The following CTNNA3 variants were observed in gnomAD, a reference collection of about 807,000 sequenced individuals.
The protein encoded by CTNNA3 is catenin alpha 3.
In CTNNA3, 76 loss-of-function variants were observed where a neutral mutation model predicts 95.7. That is an observed-to-expected ratio of 0.79 (90% CI 0.66 to 0.96). The LOEUF (loss-of-function observed/expected upper bound fraction) is 0.96, where lower values mean the gene tolerates loss of function less well. CTNNA3 is among the 40% of genes least tolerant of loss of function. The probability of loss-of-function intolerance (pLI) is 0.00; values close to 1 mark genes in which losing one functional copy is unlikely to be tolerated. For synonymous variants in CTNNA3, 431 were observed against 374.4 expected, an observed-to-expected ratio of 1.15 and a Z score of -1.74; for missense variants, 1,191 against 1,089.8, an observed-to-expected ratio of 1.09 and a Z score of -1.31.
At position 66,775,517 on chromosome 10, in the gene CTNNA3, T is replaced by A. The variant is rs141978685; in HGVS notation, c.1055A>T (p.Lys352Ile). Residue 352 changes from lysine to isoleucine, a missense_variant, in exon 8 of 18, where the codon AAA (lysine) becomes ATA (isoleucine). By Grantham distance (102) the Lys-to-Ile change is moderately radical (BLOSUM62 -3). Coordinates refer to ENST00000433211, the MANE Select transcript of CTNNA3 (RefSeq NM_013266.4). ...ATTCAGGGTATTACTCCTTTCTTTT[T>A]TTCCAGCCTGCAAAGAAGAAAAAAC... is the stretch of plus-strand genomic sequence containing the variant. ...LLSEYMNNAG[K>I]KERSNTLNIA... The A allele has an allele frequency of 6.2e-7, 1 of 1,608,828 alleles. No homozygotes were observed. The highest frequency in any genetic ancestry group is 8.5e-7 in the Non-Finnish European group (1 of 1,177,816).
intron 13 of CTNNA3, among the ~76,000 whole-genome samples, chr10:66,218,705 A>G (rs1319371966): frequency 2.1e-4 from 32 of 152,208 alleles, no homozygotes; most frequent in Admixed American, 2.0e-3. Flanking sequence ...ATATATTTTG[A>G]CACAAAAGTG....
intron 13 of CTNNA3, among the ~76,000 whole-genome samples, chr10:66,151,533 A>G (rs2084200620): frequency 6.6e-6 from 1 of 151,968 alleles, no homozygotes; most frequent in African/African-American, 2.4e-5. Flanking sequence ...TTCATAACAA[A>G]TGAGTCACAC....
chr10:66,705,123 T>A (rs948415044), intron 9 of CTNNA3, among the ~76,000 whole-genome samples: 1 of 152,136 alleles, frequency 6.6e-6, no homozygotes, highest in African/African-American at 2.4e-5. Flanking sequence ...GTTGGGATAA[T>A]CATATGGTTT....
In CTNNA3 at chr10:66,170,892, G is replaced by C. The variant is rs779379926; in HGVS notation, c.1885-67643C>G. The stretch of plus-strand genomic sequence containing the variant: ...CTCTTGCCTGTAATCCCAGCACTTT[G>C]GGAGGCCGAGGTGGGTGGATCACTT... On this transcript the variant is annotated intron_variant, in intron 13 of 17. Transcript: ENST00000433211. Among the ~76,000 whole-genome samples, 3 of 152,110 alleles carry C rather than the reference G, an allele frequency of 2.0e-5. 1 individual carries two copies. Among genetic ancestry groups the C allele is most frequent in the Non-Finnish European group, 2.9e-5 (2 of 68,018 alleles).
chr10:67,259,630 G>T (rs923929484), intron 5 of CTNNA3, among the ~76,000 whole-genome samples: 2 of 152,110 alleles, frequency 1.3e-5, no homozygotes, highest in Non-Finnish European at 2.9e-5. Context: ...CGTCCCTGAG[G>T]TTGCTGCCTG....
At chr10:67,494,042 C>T (rs551834983) in intron 5 of CTNNA3, among the ~76,000 whole-genome samples, 2 of 152,276 alleles carry the variant, frequency 1.3e-5, no homozygotes, top group East Asian at 3.9e-4. Flanking sequence ...ATTCAGAATA[C>T]AGGATTATTC....
Position 67,341,283 on chromosome 10 carries a change from T to C in CTNNA3, c.580-121413A>G, listed in dbSNP as rs143814387. Among the ~76,000 whole-genome samples, 798 of 152,296 alleles carry C rather than the reference T, an allele frequency of 5.2e-3. 9 individuals carry two copies. Among genetic ancestry groups the C allele is most frequent in the African/African-American group, 0.018 (755 of 41,558 alleles). ...TGTGCTGTCAAATAGTAGGTCTTAT[T>C]CATTCTTTCTACTTTTTTTTTGTAC... On this transcript the variant is annotated intron_variant, in intron 5 of 17. Transcript: ENST00000433211.
intron 7 of CTNNA3, among the ~76,000 whole-genome samples, chr10:66,873,890 C>T (rs1340899179): frequency 2.6e-5 from 4 of 152,130 alleles, no homozygotes; most frequent in Non-Finnish European, 5.9e-5. Context: ...ATTTCCTTCT[C>T]TTCTCAGGGG....
intron 4 of CTNNA3, among the ~76,000 whole-genome samples, chr10:67,529,856 C>A (rs1196686150): frequency 6.6e-6 from 1 of 151,992 alleles, no homozygotes; most frequent in East Asian, 1.9e-4. Flanking sequence ...TTGTAACTCC[C>A]ACAATTCCCA....
chr10:67,235,653 A>G (rs1358843957), intron 5 of CTNNA3, among the ~76,000 whole-genome samples: 3 of 142,738 alleles, frequency 2.1e-5, no homozygotes, highest in Non-Finnish European at 4.6e-5. Flanking sequence ...CAAAAGCCAA[A>G]ATTGACAAAT....
At chr10:67,746,265 T>G (rs1042883835) in intron 1 of CTNNA3, among the ~76,000 whole-genome samples, 2 of 151,836 alleles carry the variant, frequency 1.3e-5, no homozygotes, top group African/African-American at 2.4e-5. Flanking sequence ...ACATGTAAAT[T>G]TATGCATTTA....
At chr10:67,273,236 G>A (rs891707596) in intron 5 of CTNNA3, among the ~76,000 whole-genome samples, 7 of 151,986 alleles carry the variant, frequency 4.6e-5, no homozygotes, top group African/African-American at 7.2e-5. Context: ...AATAGAAAGC[G>A]GGAAAAGATA....
chr10:67,685,144 G>A (rs1840705938), intron 1 of CTNNA3, among the ~76,000 whole-genome samples: 1 of 152,204 alleles, frequency 6.6e-6, no homozygotes, highest in Non-Finnish European at 1.5e-5. Flanking sequence ...CTTTGAGAGT[G>A]TGTGGTAGTA....
intron 9 of CTNNA3, among the ~76,000 whole-genome samples, chr10:66,748,467 G>C (rs1350839554): frequency 6.6e-6 from 1 of 152,098 alleles, no homozygotes; most frequent in East Asian, 1.9e-4. Context: ...ATGTACTGCA[G>C]CTCCTATATA....
intron 5 of CTNNA3, among the ~76,000 whole-genome samples, chr10:67,378,029 G>T (rs1843761772): frequency 6.6e-6 from 1 of 152,036 alleles, no homozygotes; most frequent in African/African-American, 2.4e-5. Flanking sequence ...ACAGGCGCAT[G>T]CCACAAAACA....
intron 1 of CTNNA3, among the ~76,000 whole-genome samples, chr10:67,663,094 G>A (rs1840235367): frequency 1.3e-5 from 2 of 152,006 alleles, no homozygotes; most frequent in Non-Finnish European, 2.9e-5. Context: ...ACAGTATTTG[G>A]TGCCTAAACC....
intron 7 of CTNNA3, among the ~76,000 whole-genome samples, chr10:67,050,346 A>G (rs1855007303): frequency 6.6e-6 from 1 of 152,160 alleles, no homozygotes; most frequent in South Asian, 2.1e-4. Context: ...TTCTTTTTGC[A>G]ACTGAATTTT....
intron 5 of CTNNA3, among the ~76,000 whole-genome samples, chr10:67,458,746 T>C (rs1847264418): frequency 6.6e-6 from 1 of 151,992 alleles, no homozygotes; most frequent in South Asian, 2.1e-4. Context: ...TATGAAACCA[T>C]CAGATCTCTT....
chr10:67,509,528 T>G (rs1839539259), intron 5 of CTNNA3, among the ~76,000 whole-genome samples: 1 of 152,188 alleles, frequency 6.6e-6, no homozygotes, highest in Admixed American at 6.5e-5. Flanking sequence ...AACTCATCCT[T>G]TTTTATGGCT....
Sources: allele counts gnomAD v4.1 joint callset (sites outside exome capture counted in the v4.1 genomes callset), GRCh38; gene constraint gnomAD v4.1.1; transcripts MANE v1.5; gene names NCBI Gene and HGNC (gene_info 2026-07-23, HGNC 2026-07-21).